The following TMPRSS15 variants were observed in gnomAD, a reference collection of about 807,000 sequenced individuals.
TMPRSS15 encodes transmembrane serine protease 15.
In TMPRSS15, 128 loss-of-function variants were observed where a neutral mutation model predicts 125.3. The observed-to-expected ratio is 1.02, with a 90% CI of 0.89 to 1.18. The LOEUF (loss-of-function observed/expected upper bound fraction) is 1.18, where lower values mean the gene tolerates loss of function less well. TMPRSS15 is among the 50% of genes most tolerant of loss of function. The pLI is 0.00. For missense variants in TMPRSS15, 1,283 were observed against 1,212.7 expected (o/e 1.06, Z -0.86); for synonymous variants, 446 against 423.2 (o/e 1.05, Z -0.66).
At chr21:18,460,928 T>C (rs1978539819) in intron 1 of TMPRSS15, among the ~76,000 whole-genome samples, 1 of 152,164 alleles carries the variant, frequency 6.6e-6, no homozygotes, top group Admixed American at 6.6e-5. Context: ...TTCACCATGT[T>C]TTACACTTTA....
chr21:18,403,196 A>G (rs1009116845), intron 1 of TMPRSS15, among the ~76,000 whole-genome samples: 2 of 152,206 alleles, frequency 1.3e-5, no homozygotes, highest in East Asian at 3.8e-4. Context: ...CTTATTTAAC[A>G]TTATTTATTT....
intron 3 of TMPRSS15, among the ~76,000 whole-genome samples, chr21:18,388,861 C>A (rs373607302): frequency 6.6e-6 from 1 of 152,162 alleles, no homozygotes; most frequent in East Asian, 1.9e-4. Context: ...AATAATTAAC[C>A]TTTCCTGCAT....
At chr21:18,370,162 T>G (rs1216743416) in intron 6 of TMPRSS15, among the ~76,000 whole-genome samples, 1 of 152,070 alleles carries the variant, frequency 6.6e-6, no homozygotes, top group Non-Finnish European at 1.5e-5. Flanking sequence ...ATTCTAATAC[T>G]GAGGCTCATC....
chr21:18,405,132 A>G (rs528991318), upstream of TMPRSS15, among the ~76,000 whole-genome samples: 2 of 152,196 alleles, frequency 1.3e-5, no homozygotes, highest in East Asian at 3.9e-4. Flanking sequence ...AGAATATCAT[A>G]TAGCGCTTTA....
chr21:18,429,631 C>T (rs937224556), intron 1 of TMPRSS15, among the ~76,000 whole-genome samples: 1 of 152,122 alleles, frequency 6.6e-6, no homozygotes, highest in African/African-American at 2.4e-5. Flanking sequence ...GTAGGAAGTG[C>T]CTTTCAACTT....
chr21:18,420,192 A>G (rs1051336438), intron 1 of TMPRSS15, among the ~76,000 whole-genome samples: 3 of 152,204 alleles, frequency 2.0e-5, no homozygotes, highest in Non-Finnish European at 4.4e-5. Flanking sequence ...AATTCCTCCA[A>G]TGCTAGCTTC....
intron 3 of TMPRSS15, among the ~76,000 whole-genome samples, chr21:18,396,792 A>ATCTG (rs796799787): frequency 1.1e-4 from 12 of 112,794 alleles, no homozygotes; most frequent in East Asian, 3.8e-4. Context: ...AAAAAAAAAA[A>ATCTG]TCTGTCTGTC....
At chr21:18,322,473 C>T (rs549498475) in intron 16 of TMPRSS15, among the ~76,000 whole-genome samples, 32 of 152,032 alleles carry the variant, frequency 2.1e-4, no homozygotes, top group Admixed American at 3.3e-4. Flanking sequence ...ATGCAGTCAA[C>T]GTAAGAGTCC....
At chr21:18,384,142 G>T (rs569767537) in intron 3 of TMPRSS15, among the ~76,000 whole-genome samples, 20 of 152,204 alleles carry the variant, frequency 1.3e-4, no homozygotes, top group African/African-American at 4.6e-4. Flanking sequence ...GAAAAGAAGG[G>T]TATGGATTTG....
intron 1 of TMPRSS15, among the ~76,000 whole-genome samples, chr21:18,452,524 G>A (rs1978356253): frequency 6.6e-6 from 1 of 152,052 alleles, no homozygotes; most frequent in Admixed American, 6.6e-5. Flanking sequence ...ATAATATCCG[G>A]GCATGGTGGT....
rs775906772 is a variant in TMPRSS15 at position 18,353,741 on chromosome 21, T to G, written c.1003A>C (p.Asn335His). Reference sequence around the variant, plus strand: ...TACTTACTATTAAGCTCACTGCTGTTAAATGCAGTATATGTTGCATTAAAG... The same window carrying G: ...TACTTACTATTAAGCTCACTGCTGTGAAATGCAGTATATGTTGCATTAAAG... Reference protein sequence around the residue: ...VGFNATYTAFNSSELNNYEKI... With the variant: ...VGFNATYTAFHSSELNNYEKI... The change falls in exon 9 of 25, where the codon AAC (asparagine) becomes CAC (histidine). Residue 335 changes from asparagine (N) to histidine (H), a missense_variant. Asn to His is a moderately conservative substitution (Grantham distance 68). Transcript: ENST00000284885. The G allele has an allele frequency of 5.6e-6, 9 of 1,611,078 alleles. No homozygotes were observed. The East Asian group carries it at 1.3e-4, about 24-fold the overall frequency.
In TMPRSS15 at chr21:18,419,375, G is replaced by T. The variant is rs9305867; in HGVS notation, c.11-21046C>A. On this transcript the variant is annotated intron_variant, in intron 1 of 7. Transcript: ENST00000422787. Reference sequence around the variant, plus strand: ...TGAGTAGCTGGGACTACAGGCGCCCGCCACCACGCCCAGCTAATTTTTTGT... The same window carrying T: ...TGAGTAGCTGGGACTACAGGCGCCCTCCACCACGCCCAGCTAATTTTTTGT... Among the ~76,000 whole-genome samples, 7 of 151,638 alleles carry T rather than the reference G, an allele frequency of 4.6e-5. No individual in the cohort carries two copies. The East Asian group carries it at 1.4e-3, about 29-fold the overall frequency.
At chr21:18,457,977 T>A (rs1376699822) in intron 1 of TMPRSS15, among the ~76,000 whole-genome samples, 1 of 152,148 alleles carries the variant, frequency 6.6e-6, no homozygotes. Flanking sequence ...TTATACCCTT[T>A]AGTAAGAAAG....
chr21:18,344,813 C>T (rs974517987), intron 10 of TMPRSS15, among the ~76,000 whole-genome samples: 23 of 152,104 alleles, frequency 1.5e-4, no homozygotes, highest in Non-Finnish European at 2.4e-4. Flanking sequence ...CATATTATGA[C>T]AGGAAGCGAG....
At chr21:18,478,151 C>T (rs947197317) in intron 1 of TMPRSS15, among the ~76,000 whole-genome samples, 6 of 152,002 alleles carry the variant, frequency 3.9e-5, no homozygotes, top group Admixed American at 1.3e-4. Flanking sequence ...AGTCAATATA[C>T]ATTGACTACA....
chr21:18,359,852 C>T lies in TMPRSS15; in HGVS notation c.785G>A (p.Gly262Glu), dbSNP rs747858941. The stretch of plus-strand genomic sequence containing the variant: ...ATCGAAGCTCAGTTTAATGGAAAGT[C>T]CTTGGTTTACACTAAATTAAAAGCA... ...VCQWIIRVNQGLSIKLSFDDF... is the reference protein window; with the variant it reads ...VCQWIIRVNQELSIKLSFDDF... The change falls in exon 8 of 25, where the codon GGA becomes GAA. Residue 262 changes from glycine to glutamate, a missense_variant. By Grantham distance (98) the Gly-to-Glu change is moderately conservative. Coordinates refer to ENST00000284885, the MANE Select transcript of TMPRSS15 (RefSeq NM_002772.3). 13 of 1,492,394 alleles carry T rather than the reference C, an allele frequency of 8.7e-6. No homozygotes were observed. The highest frequency in any genetic ancestry group is 1.7e-5 in the Admixed American group (1 of 59,344). 92.4% of individuals were successfully genotyped at this position (1,492,394 alleles called of 1,614,324 possible). A position where few individuals can be genotyped will look rare whatever the true frequency, so the allele number is the denominator to read the frequency against.
chr21:18,377,827 G>A (rs2075858456), intron 5 of TMPRSS15, among the ~76,000 whole-genome samples: 1 of 152,074 alleles, frequency 6.6e-6, no homozygotes, highest in Non-Finnish European at 1.5e-5. Context: ...ACTTTCCCAT[G>A]CTCTCTGACC....
At chr21:18,364,830 G>A (rs924083307) in intron 7 of TMPRSS15, among the ~76,000 whole-genome samples, 7 of 152,182 alleles carry the variant, frequency 4.6e-5, no homozygotes, top group South Asian at 2.1e-4. Context: ...TACTTCTCAC[G>A]ATACACAGAC....
chr21:18,314,753 G>A (rs1453755417), intron 17 of TMPRSS15, among the ~76,000 whole-genome samples: 1 of 152,134 alleles, frequency 6.6e-6, no homozygotes, highest in Non-Finnish European at 1.5e-5. Flanking sequence ...AGCAGGGCAG[G>A]GGGAGAAAGT....
Sources: gnomAD v4.1 joint callset for allele counts (sites outside exome capture counted in the v4.1 genomes callset) on GRCh38, gnomAD v4.1.1 for gene constraint, MANE v1.5 for transcripts, NCBI Gene and HGNC (gene_info 2026-07-23, HGNC 2026-07-21) for gene names.